CACNA2D1: variants seen among roughly 807,000 people sequenced by gnomAD.
The protein encoded by CACNA2D1 is voltage-dependent calcium channel subunit alpha-2/delta-1.
Under a neutral mutation model 171.5 loss-of-function variants are expected in CACNA2D1, and 53 were observed. The ratio of observed to expected loss-of-function variants is 0.31; its 90% CI spans 0.25 to 0.39. The LOEUF (loss-of-function observed/expected upper bound fraction) is 0.39. Ranked by LOEUF, CACNA2D1 falls within the 10% of genes least tolerant of loss-of-function variation. The pLI, the probability that CACNA2D1 is intolerant of heterozygous loss-of-function variation, is 1.00. For synonymous variants in CACNA2D1, 442 were observed against 443.1 expected (o/e 1.00, Z 0.03); for missense variants, 903 against 1,299.8 (o/e 0.69, Z 4.69).
chr7:82,133,545 T>C (rs1481806754), intron 5 of CACNA2D1, among the ~76,000 whole-genome samples: 3 of 152,194 alleles, frequency 2.0e-5, no homozygotes, highest in Admixed American at 2.0e-4. Context: ...TTCATTAAAA[T>C]GTCAAAAATT....
At position 82,276,679 on chromosome 7, in the gene CACNA2D1, C is replaced by T. The variant is rs1809372510; in HGVS notation, c.294+58456G>A. Among the ~76,000 whole-genome samples, 3 of 152,196 alleles carry T rather than the reference C, an allele frequency of 2.0e-5. No homozygotes were observed. The South Asian group carries it at 6.2e-4, about 32-fold the overall frequency. ...TATTATTTGAAACCACAAACACTTA[C>T]TGGGACAGCTTTCCAGTAGTGGGTA... On this transcript the variant is annotated intron_variant, in intron 3 of 38. Coordinates refer to ENST00000356860, the MANE Select transcript of CACNA2D1 (RefSeq NM_000722.4).
intron 3 of CACNA2D1, among the ~76,000 whole-genome samples, chr7:82,280,297 A>T (rs1380098432): frequency 2.0e-5 from 3 of 152,316 alleles, no homozygotes; most frequent in African/African-American, 7.2e-5. Flanking sequence ...TATGACAGAG[A>T]GGAAAATTTG....
At chr7:81,978,372 A>T (rs984363234) in intron 24 of CACNA2D1, among the ~76,000 whole-genome samples, 1 of 152,186 alleles carries the variant, frequency 6.6e-6, no homozygotes, top group East Asian at 1.9e-4. Flanking sequence ...TAAAGAAAAT[A>T]TAACACAAAT....
intron 3 of CACNA2D1, among the ~76,000 whole-genome samples, chr7:82,236,861 A>G (rs1417285771): frequency 1.3e-5 from 2 of 151,980 alleles, no homozygotes; most frequent in Non-Finnish European, 2.9e-5. Flanking sequence ...TGTAGGTGAT[A>G]TTAACTCTAA....
rs762438944 is a variant in CACNA2D1 at position 81,950,455 on chromosome 7, A to G, written c.3213T>C (p.Tyr1071=). 1.2e-6 allele frequency: 2 copies of G among 1,613,342 alleles called. No individual in the cohort carries two copies. The highest frequency in any genetic ancestry group is 2.2e-5 in the South Asian group (2 of 91,062). The change falls in exon 39 of 39, where the codon TAT becomes TAC. Residue 1071 remains tyrosine (Y), a synonymous_variant. Transcript: ENST00000356860. The part of the protein sequence containing the change: ...GVSGLNPSLW[Y]IIGIQFLLLW... ...GTAGTAGAAACTGGATTCCAATGAT[A>G]TACCACAGGGAGGGATTTAATCCAG...
At chr7:82,169,860 T>C (rs1454881420) in intron 4 of CACNA2D1, among the ~76,000 whole-genome samples, 1 of 151,942 alleles carries the variant, frequency 6.6e-6, no homozygotes, top group Non-Finnish European at 1.5e-5. Context: ...GAATTTTTTT[T>C]TTTTTACTGT....
intron 3 of CACNA2D1, among the ~76,000 whole-genome samples, chr7:82,312,011 A>T (rs1402444709): frequency 6.6e-6 from 1 of 152,164 alleles, no homozygotes; most frequent in Non-Finnish European, 1.5e-5. Context: ...TATTATAGAC[A>T]CAGTCTTTGG....
At chr7:82,036,220 C>G (rs1803273303) in intron 11 of CACNA2D1, among the ~76,000 whole-genome samples, 1 of 152,122 alleles carries the variant, frequency 6.6e-6, no homozygotes, top group Non-Finnish European at 1.5e-5. Flanking sequence ...ATTCCCACAC[C>G]AGCATCTCTA....
intron 8 of CACNA2D1, among the ~76,000 whole-genome samples, chr7:82,065,404 G>A (rs574830959): frequency 4.6e-5 from 7 of 152,238 alleles, no homozygotes; most frequent in African/African-American, 1.7e-4. Flanking sequence ...TGCCTCTACT[G>A]ATTGGCACCC....
At chr7:81,959,525 A>G (rs369861048) in intron 37 of CACNA2D1, among the ~76,000 whole-genome samples, 168 bp from the exon 38 acceptor site, 1 of 152,094 alleles carries the variant, frequency 6.6e-6, no homozygotes, top group East Asian at 1.9e-4. Flanking sequence ...ATTGTGAATT[A>G]TCCTTTTCTG....
intron 3 of CACNA2D1, among the ~76,000 whole-genome samples, chr7:82,222,523 T>C (rs1375060249): frequency 6.6e-6 from 1 of 152,168 alleles, no homozygotes; most frequent in African/African-American, 2.4e-5. Context: ...TGAATGAAGG[T>C]TGTTCTACTC....
chr7:82,366,051 A>G (rs1375808771), intron 1 of CACNA2D1, among the ~76,000 whole-genome samples: 1 of 152,198 alleles, frequency 6.6e-6, no homozygotes, highest in Non-Finnish European at 1.5e-5. Flanking sequence ...CAAATGGCAA[A>G]TAATACCAAA....
At chr7:82,202,503 G>A (rs2129207882) in intron 3 of CACNA2D1, among the ~76,000 whole-genome samples, 1 of 152,300 alleles carries the variant, frequency 6.6e-6, no homozygotes, top group Non-Finnish European at 1.5e-5. Flanking sequence ...GGCAGTAGAT[G>A]GGTCCCCCGT....
chr7:82,434,629 G>C (rs1271657172), intron 1 of CACNA2D1, among the ~76,000 whole-genome samples: 1 of 152,012 alleles, frequency 6.6e-6, no homozygotes, highest in Non-Finnish European at 1.5e-5. Context: ...GCAGTATTTG[G>C]TTTTCTGTTC....
At chr7:81,958,907 A>G (rs1428354363) in intron 38 of CACNA2D1, among the ~76,000 whole-genome samples, 4 of 152,016 alleles carry the variant, frequency 2.6e-5, no homozygotes, top group African/African-American at 7.2e-5. Flanking sequence ...AGGTTTTTCA[A>G]TTCACTGAAG....
At chr7:82,261,902 T>C (rs1305655965) in intron 3 of CACNA2D1, among the ~76,000 whole-genome samples, 2 of 152,198 alleles carry the variant, frequency 1.3e-5, no homozygotes, top group Non-Finnish European at 2.9e-5. Flanking sequence ...CTACAAAGCA[T>C]GTGATGTTTC....
intron 3 of CACNA2D1, among the ~76,000 whole-genome samples, chr7:82,205,795 G>T (rs570797118): frequency 6.6e-6 from 1 of 152,076 alleles, no homozygotes; most frequent in Non-Finnish European, 1.5e-5. Context: ...GTATTAAAAA[G>T]GTAACCACAG....
intron 3 of CACNA2D1, among the ~76,000 whole-genome samples, chr7:82,234,201 G>T (rs1375435747): frequency 6.6e-6 from 1 of 151,958 alleles, no homozygotes; most frequent in African/African-American, 2.4e-5. Context: ...AGGATAAAAT[G>T]AATTATGTGT....
chr7:82,332,508 T>TTAAAGAAAGAAAGAAAGAA (rs1554514790), intron 3 of CACNA2D1, among the ~76,000 whole-genome samples: 1 of 34,602 alleles, frequency 2.9e-5, no homozygotes, highest in Non-Finnish European at 7.4e-5. Flanking sequence ...AAAAAAGAAA[T>TTAAAGAAAGAAAGAAAGAA]ATAAAGAAAG....
Sources: gnomAD v4.1 joint callset for allele counts (sites outside exome capture counted in the v4.1 genomes callset) on GRCh38, gnomAD v4.1.1 for gene constraint, MANE v1.5 for transcripts, NCBI Gene and HGNC (gene_info 2026-07-23, HGNC 2026-07-21) for gene names.